Variants in ADGRV1 observed in about 807,000 individuals in gnomAD.
ADGRV1 encodes adhesion G protein-coupled receptor V1, also known as G-protein coupled receptor 98.
ADGRV1 carries 359 observed loss-of-function variants against 596.2 expected under a neutral mutation model. That is an observed-to-expected ratio of 0.60 (90% CI 0.55 to 0.66). The LOEUF is 0.66. ADGRV1 is among the 30% of genes least tolerant of loss of function. The pLI, the probability that ADGRV1 is intolerant of heterozygous loss-of-function variation, is 0.00. For synonymous variants in ADGRV1, 2,681 were observed against 2,679.2 expected, an observed-to-expected ratio of 1.00 and a Z score of -0.02; for missense variants, 7,274 against 7,575.6, an observed-to-expected ratio of 0.96 and a Z score of 1.48.
chr5:90,615,308 T>C (rs1460026014), intron 2 of ADGRV1, among the ~76,000 whole-genome samples: 6 of 151,952 alleles, frequency 3.9e-5, no homozygotes, highest in Non-Finnish European at 5.9e-5. Flanking sequence ...TAATTTGGAT[T>C]GTAGCTATCT....
chr5:90,864,263 T>C (rs1000653254), intron 83 of ADGRV1, among the ~76,000 whole-genome samples: 3 of 152,198 alleles, frequency 2.0e-5, no homozygotes, highest in Non-Finnish European at 4.4e-5. Flanking sequence ...CACTATGTAT[T>C]GTTTCTTATA....
chr5:90,840,559 G>A lies in ADGRV1; in HGVS notation c.16612-19G>A, dbSNP rs1436017494. 2.6e-6 allele frequency: 4 copies of A among 1,558,322 alleles called. No individual in the cohort carries two copies. The South Asian group carries it at 3.7e-5, about 14-fold the overall frequency. On this transcript the variant is annotated intron_variant, in intron 77 of 89. Transcript: ENST00000405460. Reference sequence around the variant, plus strand: ...AGAGGTGTCATAGATTCACTTAAATGGTGTTGTTTAATTTCTAGGAGTTGA... The same window carrying A: ...AGAGGTGTCATAGATTCACTTAAATAGTGTTGTTTAATTTCTAGGAGTTGA...
intron 1 of ADGRV1, among the ~76,000 whole-genome samples, chr5:90,586,360 CTTGA>C (rs991398553): frequency 3.3e-5 from 5 of 152,064 alleles, no homozygotes; most frequent in Non-Finnish European, 2.9e-5. Flanking sequence ...TTCAAATTTC[CTTGA>C]TTGTCTTGAA....
intron 39 of ADGRV1, among the ~76,000 whole-genome samples, chr5:90,710,229 G>A (rs1017664052): frequency 2.0e-5 from 3 of 152,074 alleles, no homozygotes; most frequent in African/African-American, 7.2e-5. Context: ...AAAAGGTAAA[G>A]AACAAAGTAT....
intron 86 of ADGRV1, chr5:91,092,627 A>G (rs182772502): frequency 3.9e-5 from 6 of 152,342 alleles, no homozygotes; most frequent in Admixed American, 2.6e-4. Flanking sequence ...TAGAACTTCA[A>G]ACCTACAAAG....
intron 60 of ADGRV1, among the ~76,000 whole-genome samples, chr5:90,775,661 A>C (rs1758149327): frequency 6.6e-6 from 1 of 152,070 alleles, no homozygotes. Flanking sequence ...TTATGTTTGC[A>C]GGGATGGAGT....
chr5:91,140,872 T>G (rs1273482094), intron 87 of ADGRV1, among the ~76,000 whole-genome samples: 1 of 152,204 alleles, frequency 6.6e-6, no homozygotes, highest in Admixed American at 6.5e-5. Context: ...TGAAGAACAC[T>G]GAGAGTCTCA....
intron 78 of ADGRV1, among the ~76,000 whole-genome samples, chr5:90,843,466 A>G (rs1053499977): frequency 7.9e-5 from 12 of 152,216 alleles, no homozygotes; most frequent in Admixed American, 2.0e-4. Context: ...ATTTGAAAGC[A>G]AAATAGAGCT....
At chr5:91,129,207 A>G (rs1285565196) in intron 87 of ADGRV1, among the ~76,000 whole-genome samples, 2 of 152,224 alleles carry the variant, frequency 1.3e-5, no homozygotes, top group Non-Finnish European at 2.9e-5. Context: ...TCTCTAACAC[A>G]TATGATTTTG....
intron 21 of ADGRV1, among the ~76,000 whole-genome samples, chr5:90,660,341 C>T (rs62375092): frequency 6.6e-6 from 1 of 152,134 alleles, no homozygotes; most frequent in South Asian, 2.1e-4. Flanking sequence ...CTCTGGGGTT[C>T]TCAATAGTTT....
intron 87 of ADGRV1, among the ~76,000 whole-genome samples, chr5:91,147,913 G>A (rs1196291677): frequency 2.0e-5 from 3 of 152,172 alleles, no homozygotes; most frequent in Non-Finnish European, 4.4e-5. Flanking sequence ...TGATAGTGAT[G>A]TGGACAATGA....
intron 86 of ADGRV1, among the ~76,000 whole-genome samples, chr5:91,080,008 G>A (rs1014918978): frequency 2.0e-5 from 3 of 151,908 alleles, no homozygotes; most frequent in African/African-American, 7.3e-5. Flanking sequence ...CATTCATCAG[G>A]CACTGTGTTA....
At chr5:90,695,209 T>C (rs1436986079) in intron 33 of ADGRV1, among the ~76,000 whole-genome samples, 1 of 152,186 alleles carries the variant, frequency 6.6e-6, no homozygotes, top group African/African-American at 2.4e-5. Context: ...TTATATTACA[T>C]TAATCCTAAT....
At chr5:91,081,899 ATGACTTC>A (rs1484305477) in intron 86 of ADGRV1, among the ~76,000 whole-genome samples, 1 of 152,216 alleles carries the variant, frequency 6.6e-6, no homozygotes, top group East Asian at 1.9e-4. Context: ...TAAAAGTGAT[ATGACTTC>A]TGATAAAACT....
intron 85 of ADGRV1, among the ~76,000 whole-genome samples, chr5:91,019,496 T>G (rs1179293976): frequency 6.6e-6 from 1 of 152,052 alleles, no homozygotes; most frequent in Non-Finnish European, 1.5e-5. Flanking sequence ...AGACCAACAT[T>G]AAGACAGCTC....
At chr5:90,610,464 T>C (rs1481809737) in intron 1 of ADGRV1, among the ~76,000 whole-genome samples, 1 of 152,016 alleles carries the variant, frequency 6.6e-6, no homozygotes, top group Non-Finnish European at 1.5e-5. Context: ...CTTGTCCTGC[T>C]GTGTTCTATT....
chr5:91,149,951 C>A, intron 87 of ADGRV1, 79 bp from the exon 88 acceptor site: 1 of 1,180,514 alleles, frequency 8.5e-7, no homozygotes, highest in Non-Finnish European at 1.2e-6. Context: ...TATTCTTCAG[C>A]TACGGTAGCA....
At chr5:90,801,532 G>GT (rs569063879) in intron 70 of ADGRV1, among the ~76,000 whole-genome samples, 1,731 of 143,024 alleles carry the variant, frequency 0.012, 35 homozygotes, top group African/African-American at 0.04. Context: ...TGATTTATTT[G>GT]TTTTTTTTTT....
chr5:91,035,863 A>AATATATATATATATATATAT (rs1784850251), intron 85 of ADGRV1, among the ~76,000 whole-genome samples: 1 of 104,080 alleles, frequency 9.6e-6, no homozygotes, highest in African/African-American at 3.4e-5. Flanking sequence ...TATATATATT[A>AATATATATATATATATATAT]TATATATATA....
Sources: allele counts gnomAD v4.1 joint callset (sites outside exome capture counted in the v4.1 genomes callset), GRCh38; gene constraint gnomAD v4.1.1; transcripts MANE v1.5; gene names NCBI Gene and HGNC (gene_info 2026-07-23, HGNC 2026-07-21).